Variants in EIF4E observed in about 807,000 individuals in gnomAD.
EIF4E encodes the protein eIF-4F 25 kDa subunit.
For missense variants in EIF4E, 113 were observed against 265.6 expected (o/e 0.43, Z 3.99); for synonymous variants, 71 against 88.5 (o/e 0.80, Z 1.11).
intron 1 of EIF4E, among the ~76,000 whole-genome samples, chr4:98,924,293 G>A (rs1725780367): frequency 6.6e-6 from 1 of 151,960 alleles, no homozygotes; most frequent in Non-Finnish European, 1.5e-5. Context: ...TGATCAGGCT[G>A]GTCTCAAACT....
At chr4:98,885,918 T>A (rs984306254) in intron 5 of EIF4E, among the ~76,000 whole-genome samples, 18 of 152,232 alleles carry the variant, frequency 1.2e-4, no homozygotes, top group African/African-American at 3.6e-4. Flanking sequence ...ATGTCCTGAC[T>A]TTTTAATGTG....
At chr4:98,909,180 A>G (rs1302767271) in intron 1 of EIF4E, among the ~76,000 whole-genome samples, 1 of 152,232 alleles carries the variant, frequency 6.6e-6, no homozygotes, top group African/African-American at 2.4e-5. Context: ...AAAAGCAACT[A>G]TATAGTGAGT....
chr4:98,887,235 T>C lies in EIF4E; in HGVS notation c.286-43A>G, dbSNP rs1723960057. The C allele has an allele frequency of 6.3e-7, 1 of 1,585,442 alleles. No individual in the cohort carries two copies. The highest frequency in any genetic ancestry group is 1.3e-5 in the African/African-American group (1 of 74,356). On this transcript the variant is annotated intron_variant, in intron 4 of 6. Transcript: ENST00000450253. The surrounding 1 kb of genome is among the most constrained non-coding windows in gnomAD (Gnocchi z 4.0). ...AACAGTATTACACAACATTGTTACC[T>C]TGACTTTGAGAGATAATCATTAGAA...
chr4:98,902,636 T>C (rs912268398), intron 1 of EIF4E, among the ~76,000 whole-genome samples: 1 of 152,110 alleles, frequency 6.6e-6, no homozygotes, highest in Non-Finnish European at 1.5e-5. Context: ...CATATTAAGA[T>C]ACTGCATATG....
intron 1 of EIF4E, among the ~76,000 whole-genome samples, chr4:98,925,503 A>C (rs866375525): frequency 3.3e-5 from 5 of 152,324 alleles, no homozygotes; most frequent in South Asian, 2.1e-4. Flanking sequence ...CCTAACGTTC[A>C]AATTTTTGCC....
chr4:98,909,794 C>T (rs572713558), intron 1 of EIF4E: 8 of 702,576 alleles, frequency 1.1e-5, no homozygotes, highest in African/African-American at 8.7e-5. Context: ...CACTTTTTCT[C>T]GACCAACTGC....
At chr4:98,900,838 T>C (rs1724613140) in intron 2 of EIF4E, among the ~76,000 whole-genome samples, 1 of 152,206 alleles carries the variant, frequency 6.6e-6, no homozygotes, top group Admixed American at 6.5e-5. Flanking sequence ...ACTTAACTAA[T>C]TTTAATCTGT....
intron 3 of EIF4E, among the ~76,000 whole-genome samples, chr4:98,889,494 T>C (rs1401734726): frequency 6.6e-6 from 1 of 152,228 alleles, no homozygotes; most frequent in African/African-American, 2.4e-5. Flanking sequence ...CATGAGAATT[T>C]ATAATGGCAC....
chr4:98,924,790 A>C (rs1274250933), intron 1 of EIF4E, among the ~76,000 whole-genome samples: 1 of 151,924 alleles, frequency 6.6e-6, no homozygotes, highest in East Asian at 2.0e-4. Context: ...ACAGGGTTTC[A>C]CCATTTTGGC....
intron 6 of EIF4E, among the ~76,000 whole-genome samples, chr4:98,881,362 A>C (rs1347075660): frequency 6.6e-6 from 1 of 152,108 alleles, no homozygotes; most frequent in African/African-American, 2.4e-5. Flanking sequence ...AGAGCGAGTC[A>C]GGTATGTTAT....
intron 1 of EIF4E, among the ~76,000 whole-genome samples, chr4:98,912,503 G>A (rs778265432): frequency 4.0e-5 from 6 of 151,516 alleles, no homozygotes; most frequent in Non-Finnish European, 7.4e-5. Context: ...TTGAACCAGG[G>A]AATCAGAGAT....
At chr4:98,897,052 TG>T (rs1370358802) in intron 2 of EIF4E, among the ~76,000 whole-genome samples, 1 of 152,228 alleles carries the variant, frequency 6.6e-6, no homozygotes, top group Non-Finnish European at 1.5e-5. Context: ...TCTCAAAATG[TG>T]GTCTGCAGAC....
chr4:98,919,338 A>AC (rs1032239246), intron 1 of EIF4E, among the ~76,000 whole-genome samples: 4 of 148,090 alleles, frequency 2.7e-5, no homozygotes, highest in Non-Finnish European at 6.1e-5. Flanking sequence ...CTAGCAAAAA[A>AC]AAAAAAAACA....
In EIF4E at chr4:98,881,140, C is replaced by A. The variant is rs777133297; in HGVS notation, c.542G>T (p.Arg181Met). The A allele has an allele frequency of 5.0e-5, 81 of 1,608,640 alleles. No individual in the cohort carries two copies. The highest frequency in any genetic ancestry group is 6.4e-5 in the Non-Finnish European group (76 of 1,178,928). The part of the protein sequence containing the change: ...ENREAVTHIG[R>M]VYKERLGLPP... The stretch of plus-strand genomic sequence containing the variant: ...AAGTCCTAACCTTTCCTTGTATACC[C>A]TCCTAGAAGAAAAAAAAAAAGAAGA... The change falls in exon 7 of 7, where the codon AGG (arginine) becomes ATG (methionine). Residue 181 changes from arginine (R) to methionine (M), a missense_variant and splice_region_variant. Coordinates refer to ENST00000450253, the MANE Select transcript of EIF4E (RefSeq NM_001968.5).
At chr4:98,926,058 C>T (rs1248166862) in intron 1 of EIF4E, 3 of 151,830 alleles carry the variant, frequency 2.0e-5, no homozygotes, top group South Asian at 2.1e-4. Flanking sequence ...GCTTGCTACA[C>T]CAGAGGCTGA....
At chr4:98,923,850 G>A (rs190372579) in intron 1 of EIF4E, among the ~76,000 whole-genome samples, 44 of 152,258 alleles carry the variant, frequency 2.9e-4, no homozygotes, top group Non-Finnish European at 5.4e-4. Context: ...GTCAACTTTA[G>A]TCCCTTACAG....
At chr4:98,908,680 AT>A (rs566336465) in intron 1 of EIF4E, among the ~76,000 whole-genome samples, 10 of 152,216 alleles carry the variant, frequency 6.6e-5, no homozygotes, top group Non-Finnish European at 1.3e-4. Context: ...GATAGGGAAC[AT>A]TTACTAAGCA....
intron 2 of EIF4E, among the ~76,000 whole-genome samples, chr4:98,896,034 A>G (rs1724366884): frequency 2.0e-5 from 3 of 151,974 alleles, no homozygotes. Flanking sequence ...CGTCTCTACT[A>G]AAAATACAAA....
intron 1 of EIF4E, among the ~76,000 whole-genome samples, chr4:98,919,582 G>A (rs1725559216): frequency 1.6e-5 from 2 of 127,998 alleles, no homozygotes; most frequent in African/African-American, 3.0e-5. Flanking sequence ...TTTTTGAGAT[G>A]GAGTCTTGCT....
Sources: allele counts gnomAD v4.1 joint callset (sites outside exome capture counted in the v4.1 genomes callset), GRCh38; gene constraint gnomAD v4.1.1; non-coding constraint Gnocchi (gnomAD v3.1); transcripts MANE v1.5; gene names NCBI Gene and HGNC (gene_info 2026-07-23, HGNC 2026-07-21).